The following RAD54L2 variants were observed in gnomAD, a reference collection of about 807,000 sequenced individuals.
The protein encoded by RAD54L2 is RAD54 like 2, also known as helicase ARIP4.
A neutral mutation model predicts 138.4 loss-of-function variants in RAD54L2; 27 were observed. The observed-to-expected ratio is 0.20, with a 90% CI of 0.14 to 0.27. The LOEUF (loss-of-function observed/expected upper bound fraction) is 0.27. Ranked by LOEUF, RAD54L2 falls within the 10% of genes least tolerant of loss-of-function variation. The probability of loss-of-function intolerance (pLI) is 1.00; values close to 1 mark genes in which losing one functional copy is unlikely to be tolerated. For missense variants in RAD54L2, 1,396 were observed against 1,890.2 expected, an observed-to-expected ratio of 0.74 and a Z score of 4.85; for synonymous variants, 644 against 723.2, an observed-to-expected ratio of 0.89 and a Z score of 1.76.
At chr3:51,657,715 G>T in intron 21 of RAD54L2, 46 bp downstream of exon 21, 3 of 1,329,062 alleles carry the variant, frequency 2.3e-6, no homozygotes. Context: ...GGTTGAGAGT[G>T]CTGGGCTGGG....
At chr3:51,613,383 A>G (rs1011821031) in intron 3 of RAD54L2, among the ~76,000 whole-genome samples, 4 of 152,282 alleles carry the variant, frequency 2.6e-5, no homozygotes, top group East Asian at 3.9e-4. Flanking sequence ...ATTCTTGCCT[A>G]TGGTTGCAGT....
intron 2 of RAD54L2, among the ~76,000 whole-genome samples, chr3:51,588,030 C>T (rs762235064): frequency 6.6e-6 from 1 of 150,678 alleles, no homozygotes; most frequent in Non-Finnish European, 1.5e-5. Flanking sequence ...ACTAAAAATA[C>T]AAAAAATTAG....
chr3:51,591,156 C>CTATT (rs1239293340), intron 3 of RAD54L2, among the ~76,000 whole-genome samples: 1 of 152,160 alleles, frequency 6.6e-6, no homozygotes, highest in African/African-American at 2.4e-5. Context: ...TTGATGCCTT[C>CTATT]TATTTGGTTT....
In RAD54L2 at chr3:51,637,348, G is replaced by A; in HGVS notation, c.1527G>A (p.Val509=). The A allele has an allele frequency of 6.2e-7, 1 of 1,613,686 alleles. No individual in the cohort carries two copies. Among genetic ancestry groups the A allele is most frequent in the Non-Finnish European group, 8.5e-7 (1 of 1,179,810 alleles). The change falls in exon 11 of 23, where the codon GTG becomes GTA. Residue 509 remains valine, a synonymous_variant. Coordinates refer to ENST00000684192, the MANE Select transcript of RAD54L2 (RefSeq NM_015106.4). The surrounding 1 kb of genome is among the most constrained non-coding windows in gnomAD (Gnocchi z 5.9). ...LIEYWCMVDF[V]RPDFLGTRQE... ...AGTACTGGTGCATGGTGGACTTTGT[G>A]CGCCCAGACTTCCTTGGCACCCGGC...
At chr3:51,568,373 A>G (rs76852473) in intron 2 of RAD54L2, among the ~76,000 whole-genome samples, 4,433 of 152,208 alleles carry the variant, frequency 0.029, 101 homozygotes, top group Non-Finnish European at 0.046. Flanking sequence ...TGCTGGGGAA[A>G]TGTCCACTTG....
intron 2 of RAD54L2, among the ~76,000 whole-genome samples, chr3:51,551,714 C>A (rs1240115608): frequency 6.6e-6 from 1 of 151,658 alleles, no homozygotes; most frequent in African/African-American, 2.4e-5. Flanking sequence ...AGATTACAGG[C>A]GTGAGCCACT....
rs1553670666 is a variant in RAD54L2, at chr3:51,538,902, C to CCGCGGCGCAGGAGGTGAGA, written c.-126_-117+9dup. On this transcript the variant is annotated 5_prime_UTR_variant, in exon 1 of 23. Transcript: ENST00000684192. Reference sequence around the variant, plus strand: ...CTGCGCGGTCCGGCGCGGCCCGGAGCCGCGGCGCAGGAGGTGAGACGCCGG... The same window carrying CCGCGGCGCAGGAGGTGAGA: ...CTGCGCGGTCCGGCGCGGCCCGGAGCCGCGGCGCAGGAGGTGAGACGCGGCGCAGGAGGTGAGACGCCGG... 6.6e-6 allele frequency among the ~76,000 whole-genome samples: 1 copy of CCGCGGCGCAGGAGGTGAGA among 152,112 alleles called. No individual in the cohort carries two copies. Among genetic ancestry groups the CCGCGGCGCAGGAGGTGAGA allele is most frequent in the Non-Finnish European group, 1.5e-5 (1 of 67,982 alleles).
Position 51,666,273 on chromosome 3 carries a change from A to G in RAD54L2, c.*2853A>G, listed in dbSNP as rs1031502997. 1 of 146,612 alleles carries G rather than the reference A, an allele frequency of 6.8e-6. No individual in the cohort carries two copies. The highest frequency in any genetic ancestry group is 1.5e-5 in the Non-Finnish European group (1 of 67,594). 9.1% of individuals were successfully genotyped at this position (146,612 alleles called of 1,614,324 possible). On this transcript the variant is annotated 3_prime_UTR_variant, in exon 23 of 23. Coordinates refer to ENST00000684192, the MANE Select transcript of RAD54L2 (RefSeq NM_015106.4). Reference sequence around the variant, plus strand: ...GTCTCTTTATATGTGCTGATAGGCAAATGTGCATGCACACCAAACATAAGC... The same window carrying G: ...GTCTCTTTATATGTGCTGATAGGCAGATGTGCATGCACACCAAACATAAGC...
At chr3:51,545,167 A>T (rs1396100040) in intron 2 of RAD54L2, among the ~76,000 whole-genome samples, 1 of 152,082 alleles carries the variant, frequency 6.6e-6, no homozygotes, top group East Asian at 1.9e-4. Flanking sequence ...CAATTTATTT[A>T]GTTACCCTCC....
At position 51,538,923 on chromosome 3, in the gene RAD54L2, G is replaced by T. The variant is rs1335963771; in HGVS notation, c.-117+8G>T. Among the ~76,000 whole-genome samples, 1 of 152,184 alleles carries T rather than the reference G, an allele frequency of 6.6e-6. No individual in the cohort carries two copies. Among genetic ancestry groups the T allele is most frequent in the Non-Finnish European group, 1.5e-5 (1 of 68,008 alleles). On this transcript the variant is annotated splice_region_variant and intron_variant, in intron 1 of 22. Transcript: ENST00000684192. ...GGAGCCGCGGCGCAGGAGGTGAGACGCCGGTGCCGGTTCCTCGCTCCCGGC... is the reference window on the plus strand; with the variant it reads ...GGAGCCGCGGCGCAGGAGGTGAGACTCCGGTGCCGGTTCCTCGCTCCCGGC...
At chr3:51,633,088 C>T (rs546555696) in intron 7 of RAD54L2, among the ~76,000 whole-genome samples, 4 of 150,776 alleles carry the variant, frequency 2.7e-5, no homozygotes, top group South Asian at 2.1e-4. Context: ...GGCATGGTGG[C>T]GCATGCCTGT....
chr3:51,642,190 T>C (rs1248134781), intron 15 of RAD54L2, among the ~76,000 whole-genome samples: 3 of 152,132 alleles, frequency 2.0e-5, no homozygotes, highest in African/African-American at 7.2e-5. Flanking sequence ...GATGATTAGC[T>C]AAGGTGTCTC....
At chr3:51,590,592 C>T (rs543128862) in intron 3 of RAD54L2, 33 bp downstream of exon 3, 96 of 1,552,262 alleles carry the variant, frequency 6.2e-5, no homozygotes, top group Non-Finnish European at 8.0e-5. Flanking sequence ...CAGAAGTTGC[C>T]TTATATTTTC....
chr3:51,549,055 C>T (rs996142904), intron 2 of RAD54L2, among the ~76,000 whole-genome samples: 9 of 151,994 alleles, frequency 5.9e-5, no homozygotes, highest in Non-Finnish European at 1.3e-4. Context: ...TGCAATGGTG[C>T]GATCTTGGCT....
chr3:51,646,331 A>C lies in RAD54L2; in HGVS notation c.2876A>C (p.Lys959Thr), dbSNP rs1393059415. 1 of 1,606,310 alleles carries C rather than the reference A, an allele frequency of 6.2e-7. No homozygotes were observed. Among genetic ancestry groups the C allele is most frequent in the Non-Finnish European group, 8.5e-7 (1 of 1,176,536 alleles). Residue 959 changes from lysine to threonine, a missense_variant, in exon 19 of 23, where the codon AAG (lysine) becomes ACG (threonine). Physicochemically the swap from Lys to Thr is moderately conservative, Grantham distance 78 (BLOSUM62 -1). Coordinates refer to ENST00000684192, the MANE Select transcript of RAD54L2 (RefSeq NM_015106.4). ...TTGCTCTTGAACCGAAAGGATCACAAGCTAACCAAGGCTGAGAAAAAAGCA... is the reference window on the plus strand; with the variant it reads ...TTGCTCTTGAACCGAAAGGATCACACGCTAACCAAGGCTGAGAAAAAAGCA... ...ESLLLNRKDHKLTKAEKKAAK... is the reference protein window; with the variant it reads ...ESLLLNRKDHTLTKAEKKAAK...
rs1701865637 is a variant in RAD54L2 at position 51,664,231 on chromosome 3, A to G, written c.*811A>G. 3.9e-5 allele frequency: 6 copies of G among 152,142 alleles called. No individual in the cohort carries two copies. The allele number at this position is 152,142 out of a possible 1,614,324, so 9.4% of individuals were successfully genotyped here. ...CCACATTTGTGTGAGAATTTGGGGA[A>G]ATTCATGAGAGAAAATGGGCATTAC... On this transcript the variant is annotated 3_prime_UTR_variant, in exon 23 of 23. Coordinates refer to ENST00000684192, the MANE Select transcript of RAD54L2 (RefSeq NM_015106.4).
intron 19 of RAD54L2, among the ~76,000 whole-genome samples, chr3:51,651,520 C>A (rs1198084740): frequency 6.6e-6 from 1 of 152,118 alleles, no homozygotes; most frequent in African/African-American, 2.4e-5. Flanking sequence ...TGATGAACAT[C>A]GATGTGAAAA....
intron 2 of RAD54L2, among the ~76,000 whole-genome samples, chr3:51,576,988 A>T (rs1699494676): frequency 6.6e-6 from 1 of 152,218 alleles, no homozygotes; most frequent in Non-Finnish European, 1.5e-5. Context: ...ATTTAGTGCT[A>T]TAAATTTTCC....
At chr3:51,609,154 G>A (rs1325647050) in intron 3 of RAD54L2, among the ~76,000 whole-genome samples, 3 of 152,212 alleles carry the variant, frequency 2.0e-5, no homozygotes, top group African/African-American at 7.2e-5. Flanking sequence ...TGGGATTACA[G>A]GTGTGAGCCA....
Sources: gnomAD v4.1 joint callset for allele counts (sites outside exome capture counted in the v4.1 genomes callset) on GRCh38, gnomAD v4.1.1 for gene constraint, Gnocchi (gnomAD v3.1) non-coding constraint, MANE v1.5 for transcripts, NCBI Gene and HGNC (gene_info 2026-07-23, HGNC 2026-07-21) for gene names.